SLC35F3: variants seen among roughly 807,000 people sequenced by gnomAD.
The protein encoded by SLC35F3 is solute carrier family 35 member F3, also known as putative thiamine transporter SLC35F3.
SLC35F3 carries 25 observed loss-of-function variants against 49.9 expected under a neutral mutation model. The observed-to-expected ratio is 0.50, with a 90% CI of 0.37 to 0.70. The LOEUF (loss-of-function observed/expected upper bound fraction) is 0.70. Ranked by LOEUF, SLC35F3 falls within the 30% of genes least tolerant of loss-of-function variation. SLC35F3 has a pLI of 0.00. For missense variants in SLC35F3, 525 were observed against 639.8 expected (o/e 0.82, Z 1.94); for synonymous variants, 275 against 265.4 (o/e 1.04, Z -0.35).
intron 2 of SLC35F3, among the ~76,000 whole-genome samples, chr1:234,059,249 A>C (rs1187394449): frequency 6.6e-6 from 1 of 151,616 alleles, no homozygotes; most frequent in Non-Finnish European, 1.5e-5. Flanking sequence ...CTTATGGTAG[A>C]AGATTAGGTT....
At chr1:234,277,647 T>A (rs1668233152) in intron 3 of SLC35F3, among the ~76,000 whole-genome samples, 2 of 152,124 alleles carry the variant, frequency 1.3e-5, no homozygotes, top group African/African-American at 4.8e-5. Flanking sequence ...CAACAAAGGG[T>A]GCCACTGTTT....
intron 3 of SLC35F3, among the ~76,000 whole-genome samples, chr1:234,260,010 C>G (rs183491516): frequency 7.4e-4 from 112 of 152,178 alleles, no homozygotes; most frequent in African/African-American, 2.6e-3. Context: ...AAGAAGTTTG[C>G]TAAGCAAATG....
At chr1:234,025,744 T>C (rs1213753806) in intron 2 of SLC35F3, among the ~76,000 whole-genome samples, 1 of 152,210 alleles carries the variant, frequency 6.6e-6, no homozygotes, top group Non-Finnish European at 1.5e-5. Flanking sequence ...TTTGTAAATA[T>C]TTTCTCCATT....
chr1:233,919,843 CT>C (rs1662031149), intron 2 of SLC35F3, among the ~76,000 whole-genome samples: 1 of 152,148 alleles, frequency 6.6e-6, no homozygotes, highest in Non-Finnish European at 1.5e-5. Flanking sequence ...GAGGAAGTTG[CT>C]GTATCACTGC....
rs200877876 is a variant in SLC35F3, at chr1:234,016,084, T to TA, written c.283+110330dup. ...CACTAATCATTAGGGAAATGCAAAT[T>TA]AAAACCACAGTGAAATATCACATCA... On this transcript the variant is annotated intron_variant, in intron 2 of 7. Coordinates refer to ENST00000366618, the MANE Select transcript of SLC35F3 (RefSeq NM_173508.4). 5.5e-3 allele frequency among the ~76,000 whole-genome samples: 841 copies of TA among 152,174 alleles called. 4 individuals carry two copies. Among genetic ancestry groups the TA allele is most frequent in the African/African-American group, 0.019 (795 of 41,520 alleles).
intron 4 of SLC35F3, among the ~76,000 whole-genome samples, chr1:234,310,602 G>A (rs1367276620): frequency 6.6e-6 from 1 of 152,164 alleles, no homozygotes; most frequent in African/African-American, 2.4e-5. Context: ...TGCCTGACTC[G>A]ATGCTGAAGA....
At chr1:234,157,039 G>A (rs546976414) in intron 2 of SLC35F3, among the ~76,000 whole-genome samples, 49 of 152,240 alleles carry the variant, frequency 3.2e-4, no homozygotes, top group African/African-American at 1.1e-3. Flanking sequence ...AATTTATTAC[G>A]GTGGTGATGG....
intron 2 of SLC35F3, among the ~76,000 whole-genome samples, chr1:233,946,244 A>G (rs899859216): frequency 1.1e-4 from 16 of 152,364 alleles, no homozygotes; most frequent in African/African-American, 3.8e-4. Flanking sequence ...CTGTTGATGT[A>G]GCATCTACTG....
intron 3 of SLC35F3, among the ~76,000 whole-genome samples, chr1:234,298,633 G>C (rs923441281): frequency 6.6e-6 from 1 of 152,038 alleles, no homozygotes; most frequent in African/African-American, 2.4e-5. Context: ...CCCCATTCCA[G>C]ACCTGCTGAA....
chr1:234,254,253 A>T lies in SLC35F3; in HGVS notation c.608+22512A>T, dbSNP rs187134055. The stretch of plus-strand genomic sequence containing the variant: ...GCTTTCTATATCCTTAGTAGTGTTC[A>T]CACTCTTCTCTATTCTCAAAACCCA... On this transcript the variant is annotated intron_variant, in intron 3 of 7. Transcript: ENST00000366618. 2.6e-5 allele frequency among the ~76,000 whole-genome samples: 4 copies of T among 152,220 alleles called. No homozygotes were observed. The East Asian group carries it at 7.7e-4, about 29-fold the overall frequency.
In SLC35F3 at chr1:234,032,788, C is replaced by T. The variant is rs144449589; in HGVS notation, c.283+127030C>T. Among the ~76,000 whole-genome samples, 7 of 152,216 alleles carry T rather than the reference C, an allele frequency of 4.6e-5. No homozygotes were observed. The East Asian group carries it at 1.2e-3, about 25-fold the overall frequency. On this transcript the variant is annotated intron_variant, in intron 2 of 7. Transcript: ENST00000366618. ...ACTCATTGATTCATGGGCATTTGTTCCATATTTTTGCAGTTGCAAGTTGTG... is the reference window on the plus strand; with the variant it reads ...ACTCATTGATTCATGGGCATTTGTTTCATATTTTTGCAGTTGCAAGTTGTG...
intron 3 of SLC35F3, among the ~76,000 whole-genome samples, chr1:234,252,526 G>A (rs1019283855): frequency 6.6e-6 from 1 of 152,176 alleles, no homozygotes. Context: ...GCTAATCTCT[G>A]TTAACAATCA....
intron 2 of SLC35F3, among the ~76,000 whole-genome samples, chr1:233,958,347 G>T (rs114881947): frequency 4.9e-4 from 75 of 152,312 alleles, no homozygotes; most frequent in African/African-American, 1.8e-3. Flanking sequence ...CTAACAAATG[G>T]TCATGCCTTT....
chr1:234,044,378 A>G (rs1198749067), intron 2 of SLC35F3, among the ~76,000 whole-genome samples: 1 of 152,216 alleles, frequency 6.6e-6, no homozygotes, highest in African/African-American at 2.4e-5. Context: ...TGAAATTTTG[A>G]AAGTTTTTCC....
chr1:234,285,390 G>C (rs1668403500), intron 3 of SLC35F3: 4 of 468,844 alleles, frequency 8.5e-6, no homozygotes, highest in South Asian at 6.1e-5. Flanking sequence ...AGCCAAGAGA[G>C]ATGAATTAAT....
At chr1:234,094,718 G>A (rs1665092750) in intron 2 of SLC35F3, among the ~76,000 whole-genome samples, 3 of 152,072 alleles carry the variant, frequency 2.0e-5, no homozygotes. Flanking sequence ...GGCAGGGGGC[G>A]CTTTTATGAG....
In SLC35F3 at chr1:234,068,944, ATTTT is replaced by A. The variant is rs1192646284; in HGVS notation, c.284-162472_284-162469del. Among the ~76,000 whole-genome samples the A allele has an allele frequency of 5.2e-4, 28 of 53,430 alleles. No homozygotes were observed. The East Asian group carries it at 8.0e-3, about 15-fold the overall frequency. The allele number at this position is 53,430 out of a possible 152,430, so 35.1% of individuals were successfully genotyped here. On this transcript the variant is annotated intron_variant, in intron 2 of 7. Transcript: ENST00000366618. ...AATATATTATATATAAAATTATATA[ATTTT>A]ACTACATATAATATATAAAATTATA... is the stretch of plus-strand genomic sequence containing the variant.
chr1:234,102,855 T>C (rs1449452073), intron 2 of SLC35F3, among the ~76,000 whole-genome samples: 2 of 152,210 alleles, frequency 1.3e-5, no homozygotes, highest in Admixed American at 6.5e-5. Flanking sequence ...CACACACAGA[T>C]GGCTAACCAA....
chr1:234,292,928 A>G (rs923506205), intron 3 of SLC35F3, among the ~76,000 whole-genome samples: 5 of 152,228 alleles, frequency 3.3e-5, no homozygotes, highest in Non-Finnish European at 7.3e-5. Flanking sequence ...TTTGACTGTG[A>G]AAGGATCCTA....
Sources: allele counts gnomAD v4.1 joint callset (sites outside exome capture counted in the v4.1 genomes callset), GRCh38; gene constraint gnomAD v4.1.1; transcripts MANE v1.5; gene names NCBI Gene and HGNC (gene_info 2026-07-23, HGNC 2026-07-21).